Variants in STS observed in about 807,000 individuals in gnomAD.
STS encodes the protein steryl-sulfatase.
Under a neutral mutation model 26.8 loss-of-function variants are expected in STS, and 7 were observed. That is an observed-to-expected ratio of 0.26 (90% CI 0.15 to 0.49). The LOEUF is 0.49. Among genes scored for constraint, STS ranks in the 20% least tolerant of loss-of-function variants. The pLI, the probability that STS is intolerant of heterozygous loss-of-function variation, is 0.98. For missense variants in STS, 434 were observed against 465.6 expected (o/e 0.93, Z 0.63); for synonymous variants, 199 against 189.4 (o/e 1.05, Z -0.42).
intron 2 of STS, among the ~76,000 whole-genome samples, chrX:7,196,735 C>A (rs1458481379): frequency 5.4e-5 from 6 of 111,886 alleles, no homozygotes; most frequent in African/African-American, 1.6e-4. Flanking sequence ...TGTCTCTTCA[C>A]GTGTACCTGT....
intron 7 of STS, among the ~76,000 whole-genome samples, chrX:7,279,102 G>A (rs772238570): frequency 1.2e-4 from 13 of 107,756 alleles, no homozygotes; most frequent in South Asian, 4.2e-4. Context: ...TCAGGAGTTC[G>A]AGACCAGCCT....
At chrX:7,206,498 G>A (rs925907817) in intron 2 of STS, among the ~76,000 whole-genome samples, 2 of 110,763 alleles carry the variant, frequency 1.8e-5, no homozygotes, top group African/African-American at 6.6e-5. Context: ...TTGGTTCTTT[G>A]ATCGCTGTCC....
At chrX:7,274,587 TCA>T (rs1338549725) in intron 6 of STS, among the ~76,000 whole-genome samples, 1 of 111,997 alleles carries the variant, frequency 8.9e-6, no homozygotes, top group Non-Finnish European at 1.9e-5. Flanking sequence ...ATCAGCAGAC[TCA>T]GTTGTGAAAC....
rs189905493 is a variant in STS, at chrX:7,257,383, G to T, written c.259+20G>T. The T allele has an allele frequency of 4.5e-5, 54 of 1,210,646 alleles. No individual in the cohort carries two copies. The highest frequency in any genetic ancestry group is 5.8e-5 in the Non-Finnish European group (52 of 895,198). ...GATCAGGTAACCTCCTATCTGCATC[G>T]CAGGGGCTGTGGTCACCTTCGGGAC... is the stretch of plus-strand genomic sequence containing the variant. On this transcript the variant is annotated intron_variant, in intron 4 of 10. Coordinates refer to ENST00000674429, the MANE Select transcript of STS (RefSeq NM_001320752.2).
Position 7,148,128 on chromosome X carries a change from G to A in STS, c.-134+45G>A, listed in dbSNP as rs764572273. ...GGCGCCGCCATGGTGGCGCCTTCTG[G>A]GTCTGGGTGGGGGCGAGGAGGAAGT... is the stretch of plus-strand genomic sequence containing the variant. On this transcript the variant is annotated intron_variant, in intron 1 of 10. Coordinates refer to ENST00000674429, the MANE Select transcript of STS (RefSeq NM_001320752.2). The A allele has an allele frequency of 1.3e-4, 143 of 1,104,870 alleles. No homozygotes were observed. In the African/African-American group the frequency reaches 2.5e-3, roughly 19 times the overall value. 91.1% of individuals were successfully genotyped at this position (1,104,870 alleles called of 1,213,427 possible).
chrX:7,276,772 G>A (rs1451189932), intron 7 of STS, among the ~76,000 whole-genome samples: 1 of 111,988 alleles, frequency 8.9e-6, no homozygotes, highest in East Asian at 2.8e-4. Flanking sequence ...ATCTAACGAT[G>A]GCAAAGCTTT....
intron 2 of STS, among the ~76,000 whole-genome samples, chrX:7,223,333 A>G (rs1426308308): frequency 2.7e-5 from 3 of 112,270 alleles, no homozygotes; most frequent in Non-Finnish European, 3.8e-5. Flanking sequence ...ACCGTTTTCC[A>G]TAGAGGTTAT....
At chrX:7,269,245 G>A (rs1234826197) in intron 6 of STS, among the ~76,000 whole-genome samples, 3 of 89,729 alleles carry the variant, frequency 3.3e-5, no homozygotes, top group Non-Finnish European at 6.6e-5. Context: ...AGGGATGTTC[G>A]TCTTTTGCCA....
chrX:7,328,985 G>A (rs1023515487), intron 9 of STS, among the ~76,000 whole-genome samples: 1 of 111,607 alleles, frequency 9.0e-6, no homozygotes, highest in Non-Finnish European at 1.9e-5. Context: ...CATGAGCCAC[G>A]ACGCCCGGCC....
At chrX:7,170,586 C>T (rs181026119) in intron 1 of STS, among the ~76,000 whole-genome samples, 16 of 109,474 alleles carry the variant, frequency 1.5e-4, no homozygotes, top group Admixed American at 1.3e-3. Flanking sequence ...TTCAGATGTG[C>T]CCCACCATGC....
intron 8 of STS, among the ~76,000 whole-genome samples, chrX:7,322,315 A>G (rs1224908767): frequency 1.8e-5 from 2 of 111,772 alleles, no homozygotes; most frequent in Non-Finnish European, 3.8e-5. Context: ...CTTTAAAGGT[A>G]TGTGTCTCTC....
intron 10 of STS, among the ~76,000 whole-genome samples, chrX:7,338,591 A>C (rs1928139674): frequency 8.9e-6 from 1 of 111,930 alleles, no homozygotes; most frequent in African/African-American, 3.2e-5. Context: ...CCCTAGGAGA[A>C]GGATGTAGAC....
At chrX:7,225,764 G>A (rs1921775720) in intron 2 of STS, among the ~76,000 whole-genome samples, 2 of 111,787 alleles carry the variant, frequency 1.8e-5, no homozygotes, top group Admixed American at 9.5e-5. Flanking sequence ...GTTACAAGCA[G>A]GCCTTTCTAA....
intron 3 of STS, among the ~76,000 whole-genome samples, chrX:7,256,359 G>A (rs1923407923): frequency 8.9e-6 from 1 of 111,910 alleles, no homozygotes; most frequent in Non-Finnish European, 1.9e-5. Context: ...GCCAGCAAAG[G>A]GTATGTGGGG....
At chrX:7,251,036 A>C (rs1243164491) in intron 2 of STS, among the ~76,000 whole-genome samples, 1 of 112,509 alleles carries the variant, frequency 8.9e-6, no homozygotes, top group Admixed American at 9.4e-5. Flanking sequence ...ATTGATGGTC[A>C]TACAACTGCA....
chrX:7,339,240 C>T (rs1442072466), intron 10 of STS, among the ~76,000 whole-genome samples: 1 of 111,438 alleles, frequency 9.0e-6, no homozygotes, highest in Non-Finnish European at 1.9e-5. Context: ...TCATCTAATC[C>T]TCAGAATTAG....
chrX:7,279,518 G>A (rs1411338425), intron 7 of STS, among the ~76,000 whole-genome samples: 1 of 106,423 alleles, frequency 9.4e-6, no homozygotes, highest in Non-Finnish European at 1.9e-5. Flanking sequence ...GGCAATAAAT[G>A]ATTGCTAGGG....
intron 3 of STS, among the ~76,000 whole-genome samples, chrX:7,256,293 G>A (rs1365080803): frequency 2.7e-5 from 3 of 112,124 alleles, no homozygotes; most frequent in Non-Finnish European, 5.6e-5. Context: ...AAGGCTAAAG[G>A]TATCACTCTA....
chrX:7,263,821 GTATA>G (rs1283631320), intron 6 of STS, among the ~76,000 whole-genome samples: 6 of 89,175 alleles, frequency 6.7e-5, no homozygotes, highest in African/African-American at 2.3e-4. Flanking sequence ...GTGTGTTTGT[GTATA>G]TATATGTGTG....
Sources: allele counts gnomAD v4.1 joint callset (sites outside exome capture counted in the v4.1 genomes callset), GRCh38; gene constraint gnomAD v4.1.1; transcripts MANE v1.5; gene names NCBI Gene and HGNC (gene_info 2026-07-23, HGNC 2026-07-21).